The following POLA1 variants were observed in gnomAD, a reference collection of about 807,000 sequenced individuals.
POLA1 encodes DNA polymerase alpha 1, catalytic subunit.
In POLA1, 15 loss-of-function variants were observed where a neutral mutation model predicts 124.0. That is an observed-to-expected ratio of 0.12 (90% confidence interval 0.08 to 0.19). The LOEUF is 0.19. Ranked by LOEUF, POLA1 falls within the 10% of genes least tolerant of loss-of-function variation. The pLI is 1.00. For synonymous variants in POLA1, 408 were observed against 389.4 expected (o/e 1.05, Z -0.56); for missense variants, 886 against 1,103.4 (o/e 0.80, Z 2.79).
At chrX:24,699,242 C>T (rs1928242738) in intron 1 of POLA1, among the ~76,000 whole-genome samples, 183 bp from the exon 2 acceptor site, 1 of 111,810 alleles carries the variant, frequency 8.9e-6, no homozygotes, top group Non-Finnish European at 1.9e-5. Flanking sequence ...TCTGGCGAGT[C>T]ATGTATATTT....
At chrX:24,747,950 G>A (rs1299970237) in intron 24 of POLA1, among the ~76,000 whole-genome samples, 2 of 111,235 alleles carry the variant, frequency 1.8e-5, no homozygotes, top group Non-Finnish European at 3.8e-5. Flanking sequence ...TAGCCAGGAT[G>A]GTCTCAATCT....
chrX:24,844,754 G>C (rs1452438545), intron 34 of POLA1, among the ~76,000 whole-genome samples: 1 of 111,956 alleles, frequency 8.9e-6, no homozygotes, highest in Non-Finnish European at 1.9e-5. Context: ...GGGAAAATCT[G>C]AAACATTTTA....
intron 23 of POLA1, chrX:24,744,599 G>A (rs747061702): frequency 2.1e-5 from 7 of 336,159 alleles, no homozygotes; most frequent in African/African-American, 1.9e-4. Flanking sequence ...TTTGATTTTA[G>A]CTCAGTTTTT....
intron 32 of POLA1, among the ~76,000 whole-genome samples, chrX:24,828,740 A>T (rs1007277148): frequency 5.4e-5 from 6 of 111,685 alleles, no homozygotes; most frequent in African/African-American, 1.6e-4. Flanking sequence ...CATGAATGAC[A>T]TTTAAGATAA....
At position 24,821,541 on chromosome X, in the gene POLA1, A is replaced by G. The variant is rs747995276; in HGVS notation, c.3519A>G (p.Arg1173=). The G allele has an allele frequency of 8.3e-6, 10 of 1,201,935 alleles. No homozygotes were observed. The highest frequency in any genetic ancestry group is 1.1e-6 in the Non-Finnish European group (1 of 888,073). ...TCTGGATAAATTCTCAAGGAGGCAGAAAGGTGAAAGCTGGAGATACTGTGT... is the reference window on the plus strand; with the variant it reads ...TCTGGATAAATTCTCAAGGAGGCAGGAAGGTGAAAGCTGGAGATACTGTGT... ...VALWINSQGG[R]KVKAGDTVSY... is the part of the protein sequence containing the mutation. Residue 1173 remains arginine, a synonymous_variant, in exon 31 of 37, where the codon AGA becomes AGG. Coordinates refer to ENST00000379068, the MANE Select transcript of POLA1 (RefSeq NM_001330360.2).
At chrX:24,733,279 G>A (rs1361568131) in intron 16 of POLA1, among the ~76,000 whole-genome samples, 2 of 112,148 alleles carry the variant, frequency 1.8e-5, no homozygotes, top group Admixed American at 9.4e-5. Flanking sequence ...ATGTAGAAGA[G>A]AGCAATCATG....
intron 18 of POLA1, among the ~76,000 whole-genome samples, chrX:24,735,802 A>G (rs188643942): frequency 8.9e-6 from 1 of 112,040 alleles, no homozygotes; most frequent in African/African-American, 3.2e-5. Flanking sequence ...TTGACTTAGT[A>G]GTTGTATAGT....
At chrX:24,888,742 A>C (rs1432950803) in intron 35 of POLA1, among the ~76,000 whole-genome samples, 5 of 104,869 alleles carry the variant, frequency 4.8e-5, no homozygotes, top group African/African-American at 1.8e-4. Context: ...CGCCCAGCTA[A>C]TTTTTCTATT....
intron 26 of POLA1, among the ~76,000 whole-genome samples, chrX:24,794,927 A>G (rs1330093434): frequency 9.0e-6 from 1 of 110,766 alleles, no homozygotes; most frequent in Non-Finnish European, 1.9e-5. Flanking sequence ...TTTGTACATC[A>G]AAATCCAAGT....
intron 10 of POLA1, among the ~76,000 whole-genome samples, chrX:24,717,969 A>C (rs1929963350): frequency 9.0e-6 from 1 of 110,839 alleles, no homozygotes; most frequent in Non-Finnish European, 1.9e-5. Flanking sequence ...AGAGAGCGAC[A>C]CTCATTCATT....
At chrX:24,707,560 C>T (rs1364597445) in intron 4 of POLA1, among the ~76,000 whole-genome samples, 1 of 112,115 alleles carries the variant, frequency 8.9e-6, no homozygotes, top group Non-Finnish European at 1.9e-5. Context: ...TTACTAGGAG[C>T]CCAGTAAGGT....
chrX:24,831,324 T>G (rs2046257788), intron 32 of POLA1, among the ~76,000 whole-genome samples: 1 of 112,285 alleles, frequency 8.9e-6, no homozygotes. Flanking sequence ...GGTATTACTT[T>G]GTCAATAAAG....
intron 26 of POLA1, among the ~76,000 whole-genome samples, chrX:24,764,811 C>T (rs1932863089): frequency 1.8e-5 from 2 of 111,605 alleles, no homozygotes; most frequent in South Asian, 7.6e-4. Flanking sequence ...CCATTTCTCT[C>T]CATTGACACT....
intron 26 of POLA1, among the ~76,000 whole-genome samples, chrX:24,807,893 G>C (rs754081723): frequency 5.4e-5 from 6 of 111,819 alleles, no homozygotes; most frequent in African/African-American, 1.6e-4. Context: ...CATGAGTGAA[G>C]GCATGAAAAG....
chrX:24,951,114 A>T (rs945854138), intron 36 of POLA1, among the ~76,000 whole-genome samples: 1 of 110,784 alleles, frequency 9.0e-6, no homozygotes, highest in African/African-American at 3.3e-5. Context: ...TGTAAATGTC[A>T]ACTTCTGTTT....
chrX:24,857,116 A>C (rs777773179), intron 34 of POLA1, among the ~76,000 whole-genome samples: 6 of 112,152 alleles, frequency 5.3e-5, no homozygotes, highest in Non-Finnish European at 5.6e-5. Flanking sequence ...AAGTTAGGGC[A>C]GAGTTCAATT....
At chrX:24,715,055 C>G in intron 5 of POLA1, 86 bp from the exon 6 acceptor site, 1 of 644,282 alleles carries the variant, frequency 1.6e-6, no homozygotes, top group Non-Finnish European at 2.5e-6. Context: ...CTGGCTAGGT[C>G]CTTCCTTTCA....
chrX:24,977,520 G>A (rs1481894643), intron 36 of POLA1, among the ~76,000 whole-genome samples: 1 of 111,905 alleles, frequency 8.9e-6, no homozygotes, highest in East Asian at 2.8e-4. Flanking sequence ...ATGATGGTGT[G>A]TTTTGGTCTG....
chrX:24,696,847 TTGCACACTGAGTTCTCTC>T (rs1928045563), intron 1 of POLA1, among the ~76,000 whole-genome samples: 1 of 111,915 alleles, frequency 8.9e-6, no homozygotes, highest in Non-Finnish European at 1.9e-5. Context: ...CGAATTTACC[TTGCACACTGAGTTCTCTC>T]AGTTTCTGAA....
Sources: allele counts gnomAD v4.1 joint callset (sites outside exome capture counted in the v4.1 genomes callset), GRCh38; gene constraint gnomAD v4.1.1; transcripts MANE v1.5; gene names NCBI Gene and HGNC (gene_info 2026-07-23, HGNC 2026-07-21).